The following MDGA2 variants were observed in gnomAD, a reference collection of about 807,000 sequenced individuals.
MDGA2 encodes the protein MAM domain containing glycosylphosphatidylinositol anchor 2.
MDGA2 carries 40 observed loss-of-function variants against 117.8 expected under a neutral mutation model. That is an observed-to-expected ratio of 0.34 (90% CI 0.26 to 0.44). The LOEUF (loss-of-function observed/expected upper bound fraction) is 0.44, where lower values mean the gene tolerates loss of function less well. Among genes scored for constraint, MDGA2 ranks in the 20% least tolerant of loss-of-function variants. MDGA2 has a pLI of 1.00. For synonymous variants in MDGA2, 452 were observed against 439.0 expected (o/e 1.03, Z -0.37); for missense variants, 1,123 against 1,250.6 (o/e 0.90, Z 1.54).
In MDGA2 at chr14:47,106,681, GC is replaced by G. The variant is rs1284808642; in HGVS notation, c.926-9559del. On this transcript the variant is annotated intron_variant, in intron 5 of 16. Transcript: ENST00000399232. ...CTGACACTGCCCGATCGCCTCGGAA[GC>G]CCCCTAGACCATCACAGACGCCGAG... is the stretch of plus-strand genomic sequence containing the variant. 2.9e-4 allele frequency among the ~76,000 whole-genome samples: 44 copies of G among 152,040 alleles called. 1 individual carries two copies. The highest frequency in any genetic ancestry group is 2.7e-3 in the East Asian group (14 of 5,170).
At chr14:46,937,594 T>C (rs1459657476) in intron 9 of MDGA2, among the ~76,000 whole-genome samples, 1 of 152,142 alleles carries the variant, frequency 6.6e-6, no homozygotes, top group Non-Finnish European at 1.5e-5. Flanking sequence ...CAAAACAGTA[T>C]GGTGCTGGCA....
intron 2 of MDGA2, among the ~76,000 whole-genome samples, chr14:47,259,726 G>A (rs1248138743): frequency 6.6e-6 from 1 of 152,008 alleles, no homozygotes; most frequent in East Asian, 1.9e-4. Context: ...GAAAATAAGG[G>A]CTCAATGACA....
intron 14 of MDGA2, among the ~76,000 whole-genome samples, chr14:46,860,511 C>T (rs182417536): frequency 2.6e-5 from 4 of 151,888 alleles, no homozygotes; most frequent in African/African-American, 9.6e-5. Flanking sequence ...TATGGTTCTC[C>T]AGTTTTCTTT....
At chr14:47,472,445 T>C (rs1252819289) in intron 1 of MDGA2, among the ~76,000 whole-genome samples, 2 of 152,196 alleles carry the variant, frequency 1.3e-5, no homozygotes, top group Admixed American at 1.3e-4. Context: ...ATGGCATTAG[T>C]GTATCTGAAC....
intron 6 of MDGA2, among the ~76,000 whole-genome samples, chr14:47,094,309 T>G (rs76744566): frequency 0.02 from 3,026 of 152,038 alleles, 98 homozygotes; most frequent in African/African-American, 0.068. Flanking sequence ...ATTGAAGAAA[T>G]AAATTTTTAA....
At chr14:47,337,998 T>G (rs1185076974) in intron 1 of MDGA2, among the ~76,000 whole-genome samples, 1 of 152,036 alleles carries the variant, frequency 6.6e-6, no homozygotes, top group East Asian at 1.9e-4. Context: ...TGCTACTACA[T>G]AGTCTGATTT....
chr14:46,938,559 A>AAAAAAAAG (rs1566535268), intron 9 of MDGA2, among the ~76,000 whole-genome samples: 1 of 149,042 alleles, frequency 6.7e-6, no homozygotes, highest in African/African-American at 2.4e-5. Context: ...AAAAAAAAAA[A>AAAAAAAAG]AGAGACATCA....
At chr14:47,000,376 T>TA (rs199540808) in intron 8 of MDGA2, among the ~76,000 whole-genome samples, 1,071 of 86,402 alleles carry the variant, frequency 0.012, 16 homozygotes, top group African/African-American at 0.046. Flanking sequence ...TATATATATA[T>TA]TTATATATAT....
At chr14:47,032,366 T>A (rs1376527654) in intron 8 of MDGA2, among the ~76,000 whole-genome samples, 1 of 152,078 alleles carries the variant, frequency 6.6e-6, no homozygotes, top group Non-Finnish European at 1.5e-5. Flanking sequence ...GCAGGAAGAT[T>A]GCTTGAAGTC....
chr14:47,446,097 T>C (rs1212292824), intron 1 of MDGA2, among the ~76,000 whole-genome samples: 2 of 152,138 alleles, frequency 1.3e-5, no homozygotes. Flanking sequence ...ATGTACAACT[T>C]TTTACTCACT....
At chr14:47,370,484 TTTTTTTTTTTTTTTGTGTGTGTGTG>T (rs1891326498) in intron 1 of MDGA2, among the ~76,000 whole-genome samples, 3 of 78,892 alleles carry the variant, frequency 3.8e-5, no homozygotes, top group African/African-American at 1.4e-4. Context: ...TTTTTTTTTT[TTTTTTTTTTTTTTTGTGTGTGTGTG>T]TGTGTGTGTG....
chr14:47,015,230 A>G (rs1888039603), intron 8 of MDGA2, among the ~76,000 whole-genome samples: 1 of 152,066 alleles, frequency 6.6e-6, no homozygotes, highest in Non-Finnish European at 1.5e-5. Context: ...CTCACAGATC[A>G]CCATTACAGA....
intron 1 of MDGA2, among the ~76,000 whole-genome samples, chr14:47,350,719 A>G (rs2138346825): frequency 6.6e-6 from 1 of 152,310 alleles, no homozygotes; most frequent in Non-Finnish European, 1.5e-5. Flanking sequence ...TAACCCTAGC[A>G]TTTTAATAAA....
chr14:46,877,701 G>C (rs1011540922), intron 11 of MDGA2, among the ~76,000 whole-genome samples, 192 bp from the exon 12 acceptor site: 8 of 151,670 alleles, frequency 5.3e-5, no homozygotes, highest in African/African-American at 1.9e-4. Context: ...ATCTGCTTTG[G>C]AGCTCAGCAA....
At position 46,893,133 on chromosome 14, in the gene MDGA2, C is replaced by T. The variant is rs148926033; in HGVS notation, c.2239-10912G>A. 3.9e-3 allele frequency among the ~76,000 whole-genome samples: 590 copies of T among 151,910 alleles called. 8 individuals are homozygous for T. The highest frequency in any genetic ancestry group is 0.012 in the African/African-American group (511 of 41,502). On this transcript the variant is annotated intron_variant, in intron 10 of 16. Transcript: ENST00000399232. ...ATGAATGAATGAATGGATAAAGAAACTGCAAATTACACAATTGAATATTAC... is the reference window on the plus strand; with the variant it reads ...ATGAATGAATGAATGGATAAAGAAATTGCAAATTACACAATTGAATATTAC...
At chr14:47,407,784 T>A (rs1892288605) in intron 1 of MDGA2, among the ~76,000 whole-genome samples, 1 of 152,200 alleles carries the variant, frequency 6.6e-6, no homozygotes, top group African/African-American at 2.4e-5. Context: ...TATTTAATAC[T>A]GTATATTGAG....
At chr14:47,241,873 C>T (rs1043214778) in intron 2 of MDGA2, among the ~76,000 whole-genome samples, 1 of 151,880 alleles carries the variant, frequency 6.6e-6, no homozygotes, top group African/African-American at 2.4e-5. Context: ...GAAATCCCTT[C>T]TTTACTATGA....
chr14:47,012,946 C>T (rs1887946787), intron 8 of MDGA2, among the ~76,000 whole-genome samples: 1 of 151,994 alleles, frequency 6.6e-6, no homozygotes, highest in African/African-American at 2.4e-5. Context: ...TACCCTAAGG[C>T]AAAAAAATGC....
chr14:47,108,933 C>G (rs1418264041), intron 5 of MDGA2, among the ~76,000 whole-genome samples: 1 of 152,152 alleles, frequency 6.6e-6, no homozygotes, highest in Admixed American at 6.5e-5. Flanking sequence ...TCTTTATAAA[C>G]ATTGACAAGG....
Sources: gnomAD v4.1 joint callset for allele counts (sites outside exome capture counted in the v4.1 genomes callset) on GRCh38, gnomAD v4.1.1 for gene constraint, MANE v1.5 for transcripts, NCBI Gene and HGNC (gene_info 2026-07-23, HGNC 2026-07-21) for gene names.